Variants in PCSK2 observed in about 807,000 individuals in gnomAD.
The protein encoded by PCSK2 is proprotein convertase subtilisin/kexin type 2, also known as neuroendocrine convertase 2.
A neutral mutation model predicts 69.7 loss-of-function variants in PCSK2; 14 were observed. That is an observed-to-expected ratio of 0.20 (90% CI 0.13 to 0.31). The LOEUF is 0.31. Ranked by LOEUF, PCSK2 falls within the 10% of genes least tolerant of loss-of-function variation. The pLI is 1.00. For missense variants in PCSK2, 544 were observed against 842.5 expected, an observed-to-expected ratio of 0.65 and a Z score of 4.39; for synonymous variants, 307 against 320.7, an observed-to-expected ratio of 0.96 and a Z score of 0.46.
intron 1 of PCSK2, among the ~76,000 whole-genome samples, chr20:17,242,397 C>T (rs559488162): frequency 1.3e-5 from 2 of 152,054 alleles, no homozygotes; most frequent in Non-Finnish European, 2.9e-5. Context: ...TGTGTTGAGC[C>T]CTATGAAGAT....
intron 2 of PCSK2, among the ~76,000 whole-genome samples, chr20:17,301,263 G>A (rs1286714511): frequency 6.6e-6 from 1 of 152,136 alleles, no homozygotes; most frequent in African/African-American, 2.4e-5. Flanking sequence ...CATCATTTTG[G>A]TGGAGGAGAC....
At chr20:17,462,948 G>A (rs2033037789) in intron 10 of PCSK2, among the ~76,000 whole-genome samples, 1 of 152,104 alleles carries the variant, frequency 6.6e-6, no homozygotes, top group African/African-American at 2.4e-5. Flanking sequence ...ACAGAATATT[G>A]TAGTCTGTCA....
rs2032483888 is a variant in PCSK2, at chr20:17,436,330, T to C, written c.710-378T>C. ...GATTGCCTCCCCCATCTATCATATG[T>C]AGTAGCTTTATTTCTCCCTTAAAAC... On this transcript the variant is annotated intron_variant, in intron 7 of 11. Coordinates refer to ENST00000262545, the MANE Select transcript of PCSK2 (RefSeq NM_002594.5). Among the ~76,000 whole-genome samples the C allele has an allele frequency of 2.0e-5, 3 of 152,270 alleles. No individual in the cohort carries two copies. The South Asian group carries it at 6.2e-4, about 32-fold the overall frequency.
intron 5 of PCSK2, among the ~76,000 whole-genome samples, chr20:17,408,563 T>C (rs986530433): frequency 6.6e-6 from 1 of 152,220 alleles, no homozygotes; most frequent in Non-Finnish European, 1.5e-5. Flanking sequence ...CTTATTGAAG[T>C]TTGTAATGGT....
intron 2 of PCSK2, among the ~76,000 whole-genome samples, chr20:17,279,102 G>A (rs1332405077): frequency 2.6e-5 from 4 of 152,108 alleles, no homozygotes; most frequent in Non-Finnish European, 4.4e-5. Context: ...CCTGTTGGCT[G>A]GATAGTGTTG....
At chr20:17,249,641 T>C (rs1238757648) in intron 1 of PCSK2, among the ~76,000 whole-genome samples, 3 of 152,014 alleles carry the variant, frequency 2.0e-5, no homozygotes, top group Non-Finnish European at 4.4e-5. Flanking sequence ...AAATGTGGTA[T>C]ACAGGGTGGA....
chr20:17,424,374 C>T (rs1242716228), intron 6 of PCSK2, among the ~76,000 whole-genome samples: 3 of 152,170 alleles, frequency 2.0e-5, no homozygotes, highest in African/African-American at 7.2e-5. Context: ...TAAAAATGTT[C>T]TGAACAGCAA....
In PCSK2 at chr20:17,326,005, C is replaced by T. The variant is rs114690458; in HGVS notation, c.283-32322C>T. 8.1e-3 allele frequency among the ~76,000 whole-genome samples: 1,240 copies of T among 152,350 alleles called. 16 individuals are homozygous for T. The highest frequency in any genetic ancestry group is 0.027 in the African/African-American group (1,142 of 41,576). ...CTGCAATGACAGAAGCAAAAGAGGT[C>T]AAGTGGAATCACAGGAGTCCTCTTA... On this transcript the variant is annotated intron_variant, in intron 2 of 11. Transcript: ENST00000262545.
chr20:17,229,902 C>T (rs983225677), intron 1 of PCSK2, among the ~76,000 whole-genome samples: 1 of 152,180 alleles, frequency 6.6e-6, no homozygotes, highest in African/African-American at 2.4e-5. Flanking sequence ...CTAATAAATG[C>T]CATCACTTTT....
intron 2 of PCSK2, among the ~76,000 whole-genome samples, chr20:17,285,348 G>A (rs959493086): frequency 1.3e-5 from 2 of 152,284 alleles, no homozygotes; most frequent in African/African-American, 4.8e-5. Flanking sequence ...TACAGCAGAA[G>A]GAACTTTATT....
intron 1 of PCSK2, among the ~76,000 whole-genome samples, chr20:17,259,565 T>G (rs1209099466): frequency 6.6e-6 from 1 of 152,220 alleles, no homozygotes; most frequent in Non-Finnish European, 1.5e-5. Flanking sequence ...ATGATTGGCC[T>G]GTTTAGGTTC....
chr20:17,318,284 G>A (rs866280357), intron 2 of PCSK2, among the ~76,000 whole-genome samples: 1 of 152,202 alleles, frequency 6.6e-6, no homozygotes, highest in Non-Finnish European at 1.5e-5. Context: ...GCACTGTTTA[G>A]AGGTTCTGCA....
chr20:17,293,995 T>C (rs184528889), intron 2 of PCSK2, among the ~76,000 whole-genome samples: 102 of 152,270 alleles, frequency 6.7e-4, no homozygotes, highest in African/African-American at 2.3e-3. Flanking sequence ...TATTTAGGTT[T>C]CTACCATTTC....
At chr20:17,413,094 C>T (rs927766830) in intron 6 of PCSK2, among the ~76,000 whole-genome samples, 1 of 152,178 alleles carries the variant, frequency 6.6e-6, no homozygotes, top group Non-Finnish European at 1.5e-5. Flanking sequence ...ATTGCAAAGA[C>T]CATCAATGCT....
intron 2 of PCSK2, among the ~76,000 whole-genome samples, chr20:17,356,901 G>A (rs1267749783): frequency 6.6e-6 from 1 of 152,110 alleles, no homozygotes; most frequent in Non-Finnish European, 1.5e-5. Context: ...TAAGGCAGAG[G>A]GAGACTCTAA....
At chr20:17,345,999 T>C (rs1030566229) in intron 2 of PCSK2, among the ~76,000 whole-genome samples, 4 of 152,182 alleles carry the variant, frequency 2.6e-5, no homozygotes, top group African/African-American at 9.6e-5. Context: ...TACAGCATAA[T>C]TGAATGAAAC....
intron 2 of PCSK2, among the ~76,000 whole-genome samples, chr20:17,325,790 G>A (rs1990029299): frequency 6.6e-6 from 1 of 151,930 alleles, no homozygotes; most frequent in South Asian, 2.1e-4. Flanking sequence ...GCCCAGGCAT[G>A]TTATTCTCAA....
At chr20:17,300,174 T>G (rs1455022907) in intron 2 of PCSK2, among the ~76,000 whole-genome samples, 1 of 152,188 alleles carries the variant, frequency 6.6e-6, no homozygotes, top group East Asian at 1.9e-4. Context: ...TCCCACCCCT[T>G]CTGCTGAGGC....
Position 17,399,769 on chromosome 20 carries a change from A to G in PCSK2, c.544-9494A>G, listed in dbSNP as rs34225352. ...AATGATTGTCAAGCTGTACTCAGAA[A>G]CCCAGGGGCCACCAGGTAGTGTTGA... On this transcript the variant is annotated intron_variant, in intron 5 of 11. Transcript: ENST00000262545. Among the ~76,000 whole-genome samples the G allele has an allele frequency of 4.0e-3, 613 of 152,304 alleles. 2 individuals are homozygous for G. The highest frequency in any genetic ancestry group is 6.5e-3 in the Non-Finnish European group (444 of 68,022).
Sources: allele counts gnomAD v4.1 joint callset (sites outside exome capture counted in the v4.1 genomes callset), GRCh38; gene constraint gnomAD v4.1.1; transcripts MANE v1.5; gene names NCBI Gene and HGNC (gene_info 2026-07-23, HGNC 2026-07-21).